The following IL31RA variants were observed in gnomAD, a reference collection of about 807,000 sequenced individuals.
IL31RA encodes interleukin-31 receptor subunit alpha.
In IL31RA, 66 loss-of-function variants were observed where a neutral mutation model predicts 83.7. That is an observed-to-expected ratio of 0.79 (90% CI 0.65 to 0.97). The LOEUF (loss-of-function observed/expected upper bound fraction) is 0.97, where lower values mean the gene tolerates loss of function less well. IL31RA is among the 50% of genes least tolerant of loss of function. The probability of loss-of-function intolerance (pLI) is 0.00; values close to 1 mark genes in which losing one functional copy is unlikely to be tolerated. For synonymous variants in IL31RA, 325 were observed against 329.0 expected (o/e 0.99, Z 0.13); for missense variants, 798 against 919.4 (o/e 0.87, Z 1.71).
At position 55,920,075 on chromosome 5, in the gene IL31RA, C is replaced by G. The variant is rs544143284; in HGVS notation, c.*2955C>G. Among the ~76,000 whole-genome samples the G allele has an allele frequency of 1.3e-5, 2 of 152,346 alleles. No homozygotes were observed. The highest frequency in any genetic ancestry group is 3.9e-4 in the East Asian group (2 of 5,190). ...TTTAAAGAATGACAGAGAAACCAGTCTGTGGCTTAAATAAAAAGACCACAA... is the reference window on the plus strand; with the variant it reads ...TTTAAAGAATGACAGAGAAACCAGTGTGTGGCTTAAATAAAAAGACCACAA... On this transcript the variant is annotated 3_prime_UTR_variant, in exon 15 of 15. Coordinates refer to ENST00000652347, the MANE Select transcript of IL31RA (RefSeq NM_139017.7).
chr5:55,907,519 G>A (rs775178729), intron 10 of IL31RA, 59 bp downstream of exon 10: 17 of 1,139,256 alleles, frequency 1.5e-5, no homozygotes, highest in East Asian at 2.3e-5. Flanking sequence ...CCCACATGCC[G>A]ATAAGGCTGC....
chr5:55,864,290 G>GAC (rs35236053), intron 2 of IL31RA, among the ~76,000 whole-genome samples: 112,536 of 144,278 alleles, frequency 0.78, 43,656 homozygotes, highest in South Asian at 0.87. Flanking sequence ...TATACACACA[G>GAC]ACACACACAC....
intron 4 of IL31RA, among the ~76,000 whole-genome samples, chr5:55,882,740 C>T (rs1268670586): frequency 6.6e-6 from 1 of 151,998 alleles, no homozygotes; most frequent in Non-Finnish European, 1.5e-5. Context: ...AGAGAGACAG[C>T]CTATTTTCTG....
At chr5:55,887,921 G>A (rs770977251) in intron 5 of IL31RA, among the ~76,000 whole-genome samples, 2 of 151,526 alleles carry the variant, frequency 1.3e-5, no homozygotes, top group Non-Finnish European at 2.9e-5. Context: ...GTGGTGGTGC[G>A]GACCTGTAGC....
intron 4 of IL31RA, among the ~76,000 whole-genome samples, chr5:55,878,943 T>C (rs1747021989): frequency 6.6e-6 from 1 of 152,176 alleles, no homozygotes; most frequent in African/African-American, 2.4e-5. Context: ...TGAGCCACTA[T>C]GCCCGGCCAC....
chr5:55,876,409 A>AAT (rs1746854517), intron 4 of IL31RA, among the ~76,000 whole-genome samples: 1 of 152,118 alleles, frequency 6.6e-6, no homozygotes, highest in African/African-American at 2.4e-5. Flanking sequence ...CATCTCAAAA[A>AAT]ATATATATAT....
chr5:55,908,352 GAA>G lies in IL31RA; in HGVS notation c.1444_1445del (p.Lys482GlyfsTer13). 6.2e-7 allele frequency: 1 copy of G among 1,614,148 alleles called. No individual in the cohort carries two copies. Among genetic ancestry groups the G allele is most frequent in the South Asian group, 1.1e-5 (1 of 91,076 alleles). ...TGGAAAGAGATTCCCAAGAGTGAGA[GAA>G]AGGGTATCATCTGCAACTACACCAT... On this transcript the variant is annotated frameshift_variant, in exon 11 of 15. Transcript: ENST00000652347. LOFTEE classifies it high-confidence loss of function.
At chr5:55,911,249 G>C (rs1749484647) in intron 12 of IL31RA, among the ~76,000 whole-genome samples, 1 of 152,154 alleles carries the variant, frequency 6.6e-6, no homozygotes, top group South Asian at 2.1e-4. Flanking sequence ...AAAACCATCA[G>C]ATCTCATGAG....
intron 7 of IL31RA, among the ~76,000 whole-genome samples, chr5:55,898,772 C>A (rs543576179): frequency 1.3e-5 from 2 of 151,546 alleles, no homozygotes; most frequent in African/African-American, 2.4e-5. Flanking sequence ...GCCGGTAATC[C>A]CAGCACTTTG....
At chr5:55,845,726 C>A in the IL31RA span, among the ~76,000 whole-genome samples, 1 of 152,114 alleles carries the variant, frequency 6.6e-6, no homozygotes, top group Admixed American at 6.5e-5. Flanking sequence ...CCTCCCTGAG[C>A]CATGTGGAAT....
chr5:55,861,755 G>C (rs1194715721), intron 2 of IL31RA, among the ~76,000 whole-genome samples: 2 of 152,022 alleles, frequency 1.3e-5, no homozygotes, highest in Non-Finnish European at 2.9e-5. Flanking sequence ...GTCTTTTTCT[G>C]TCTTCTATCT....
At chr5:55,879,488 T>A (rs2194247) in intron 4 of IL31RA, among the ~76,000 whole-genome samples, 67,226 of 136,000 alleles carry the variant, frequency 0.49, 16,543 homozygotes, top group South Asian at 0.6. Context: ...GCTGGAGTGC[T>A]GTGGCGCGAT....
rs1413874406 is a variant in IL31RA, at chr5:55,903,615, G to A, written c.1070-2491G>A. ...CCGCAGTCTCTGCAGTGCACTTGGCGCTTTAGACCCGGATCTCCCTGCTCC... is the reference window on the plus strand; with the variant it reads ...CCGCAGTCTCTGCAGTGCACTTGGCACTTTAGACCCGGATCTCCCTGCTCC... On this transcript the variant is annotated intron_variant, in intron 8 of 14. Coordinates refer to ENST00000652347, the MANE Select transcript of IL31RA (RefSeq NM_139017.7). The surrounding 1 kb of genome is among the most constrained non-coding windows in gnomAD (Gnocchi z 4.7). 2.0e-5 allele frequency among the ~76,000 whole-genome samples: 3 copies of A among 152,202 alleles called. No individual in the cohort carries two copies. The highest frequency in any genetic ancestry group is 4.4e-5 in the Non-Finnish European group (3 of 68,032).
At chr5:55,874,314 T>TA (rs2112393917) in intron 4 of IL31RA, among the ~76,000 whole-genome samples, 1 of 152,238 alleles carries the variant, frequency 6.6e-6, no homozygotes, top group East Asian at 1.9e-4. Context: ...ACTGTAGCCT[T>TA]ATAATAAGTT....
intron 5 of IL31RA, among the ~76,000 whole-genome samples, 183 bp from the exon 6 acceptor site, chr5:55,889,787 C>G (rs1266896731): frequency 6.6e-6 from 1 of 152,202 alleles, no homozygotes; most frequent in Admixed American, 6.5e-5. Context: ...ATGTTCATAT[C>G]TGTGTAGGTA....
intron 10 of IL31RA, 24 bp downstream of exon 10, chr5:55,907,484 G>A (rs1249981413): frequency 6.7e-7 from 1 of 1,489,032 alleles, no homozygotes; most frequent in Non-Finnish European, 9.4e-7. Context: ...AGACCCTGTG[G>A]GGAAAAGGAA....
the IL31RA span, chr5:55,839,876 C>G: frequency 5.4e-6 from 4 of 734,694 alleles, no homozygotes; most frequent in South Asian, 1.5e-5. Flanking sequence ...ACCCAGCCTG[C>G]CTTCTCTGTT....
At position 55,908,406 on chromosome 5, in the gene IL31RA, G is replaced by A. The variant is rs1315511239; in HGVS notation, c.1496G>A (p.Gly499Glu). 1 of 1,614,172 alleles carries A rather than the reference G, an allele frequency of 6.2e-7. No individual in the cohort carries two copies. The highest frequency in any genetic ancestry group is 1.1e-5 in the South Asian group (1 of 91,080). Reference protein sequence around the residue: ...TIFYQAEGGKGFSKTVNSSIL... With the variant: ...TIFYQAEGGKEFSKTVNSSIL... ...TTTTACCAAGCTGAAGGTGGAAAAG[G>A]ATTCTGTAAGCACGCCCATAGCGAA... The change falls in exon 11 of 15, where the codon GGA becomes GAA. Residue 499 changes from glycine to glutamate, a missense_variant. Physicochemically the swap from Gly to Glu is moderately conservative, Grantham distance 98. Transcript: ENST00000652347.
At position 55,908,416 on chromosome 5, in the gene IL31RA, G is replaced by C. The variant is rs898588790; in HGVS notation, c.1501+5G>C. ...CTGAAGGTGGAAAAGGATTCTGTAA[G>C]CACGCCCATAGCGAAGTGGAAAAAA... is the stretch of plus-strand genomic sequence containing the variant. On this transcript the variant is annotated splice_donor_5th_base_variant and intron_variant, in intron 11 of 14. Transcript: ENST00000652347. The C allele has an allele frequency of 6.2e-7, 1 of 1,614,178 alleles. No homozygotes were observed. Among genetic ancestry groups the C allele is most frequent in the Non-Finnish European group, 8.5e-7 (1 of 1,180,038 alleles).
Sources: gnomAD v4.1 joint callset for allele counts (sites outside exome capture counted in the v4.1 genomes callset) on GRCh38, gnomAD v4.1.1 for gene constraint, Gnocchi (gnomAD v3.1) non-coding constraint, MANE v1.5 for transcripts, NCBI Gene and HGNC (gene_info 2026-07-23, HGNC 2026-07-21) for gene names.